The following ADGRL3 variants were observed in gnomAD, a reference collection of about 807,000 sequenced individuals.
The protein encoded by ADGRL3 is calcium-independent alpha-latrotoxin receptor 3.
A neutral mutation model predicts 153.5 loss-of-function variants in ADGRL3; 62 were observed. The ratio of observed to expected loss-of-function variants is 0.40; its 90% CI spans 0.33 to 0.50. The LOEUF is 0.50. Among genes scored for constraint, ADGRL3 ranks in the 20% least tolerant of loss-of-function variants. ADGRL3 has a pLI of 0.47. For missense variants in ADGRL3, 1,641 were observed against 1,859.4 expected (o/e 0.88, Z 2.16); for synonymous variants, 710 against 672.5 (o/e 1.06, Z -0.86).
intron 1 of ADGRL3, among the ~76,000 whole-genome samples, chr4:61,279,796 G>A (rs1372246332): frequency 6.6e-6 from 1 of 152,010 alleles, no homozygotes; most frequent in Non-Finnish European, 1.5e-5. Flanking sequence ...TTGGATTCAG[G>A]AAATTGATAT....
chr4:61,356,697 CAT>C (rs1200765163), intron 1 of ADGRL3, among the ~76,000 whole-genome samples: 1 of 151,880 alleles, frequency 6.6e-6, no homozygotes, highest in Non-Finnish European at 1.5e-5. Flanking sequence ...TAAAAACAAA[CAT>C]AAAAATTTTC....
At chr4:62,007,195 T>G (rs1039764008) in intron 21 of ADGRL3, among the ~76,000 whole-genome samples, 8 of 150,402 alleles carry the variant, frequency 5.3e-5, no homozygotes, top group South Asian at 4.2e-4. Flanking sequence ...ATGTTCAGGA[T>G]GTAAAATATT....
intron 4 of ADGRL3, among the ~76,000 whole-genome samples, chr4:61,575,320 A>AT (rs1305714303): frequency 6.6e-6 from 1 of 152,018 alleles, no homozygotes; most frequent in Non-Finnish European, 1.5e-5. Context: ...GCTTTATGAG[A>AT]TTTTAAATTT....
At chr4:61,854,556 A>G (rs2098242084) in intron 9 of ADGRL3, among the ~76,000 whole-genome samples, 1 of 152,200 alleles carries the variant, frequency 6.6e-6, no homozygotes, top group Admixed American at 6.5e-5. Flanking sequence ...GATAAAAATA[A>G]ATGCATGGGT....
chr4:61,772,375 C>T (rs1421686142), intron 8 of ADGRL3, among the ~76,000 whole-genome samples: 1 of 152,150 alleles, frequency 6.6e-6, no homozygotes, highest in Non-Finnish European at 1.5e-5. Context: ...ATCCTCATCA[C>T]CAGAAACTGC....
intron 19 of ADGRL3, among the ~76,000 whole-genome samples, chr4:61,987,140 TTTTATTTTA>T (rs1553902920): frequency 5.6e-5 from 4 of 71,648 alleles, no homozygotes; most frequent in Admixed American, 1.6e-4. Flanking sequence ...TTTTATTTTA[TTTTATTTTA>T]TTTATTTTAT....
intron 1 of ADGRL3, among the ~76,000 whole-genome samples, chr4:61,370,739 A>G (rs1044320485): frequency 4.6e-5 from 7 of 151,944 alleles, no homozygotes; most frequent in South Asian, 2.1e-4. Context: ...GTAGATGTCT[A>G]TTAGGTCCGC....
intron 4 of ADGRL3, among the ~76,000 whole-genome samples, chr4:61,558,089 A>G (rs762006952): frequency 5.4e-5 from 8 of 148,124 alleles, no homozygotes; most frequent in Non-Finnish European, 8.9e-5. Context: ...AAAATTTGAG[A>G]TACTTCTCTG....
chr4:61,830,102 C>T (rs907095895), intron 9 of ADGRL3, among the ~76,000 whole-genome samples: 3 of 151,966 alleles, frequency 2.0e-5, no homozygotes, highest in Non-Finnish European at 4.4e-5. Flanking sequence ...CTTGACCTTC[C>T]AGGTTCAAGC....
intron 6 of ADGRL3, among the ~76,000 whole-genome samples, chr4:61,726,340 A>G (rs943674401): frequency 4.0e-5 from 6 of 151,624 alleles, no homozygotes; most frequent in Admixed American, 2.6e-4. Context: ...CTGGGATTAC[A>G]GTCATGCATC....
chr4:62,043,061 T>A (rs536166581), intron 24 of ADGRL3, among the ~76,000 whole-genome samples: 1 of 152,226 alleles, frequency 6.6e-6, no homozygotes, highest in South Asian at 2.1e-4. Flanking sequence ...TTTAATTTTC[T>A]TTGTTTTATA....
intron 3 of ADGRL3, among the ~76,000 whole-genome samples, chr4:61,508,596 A>G (rs930485163): frequency 6.6e-6 from 1 of 152,114 alleles, no homozygotes; most frequent in Non-Finnish European, 1.5e-5. Context: ...TATAATTTCA[A>G]CAGTTATATT....
intron 22 of ADGRL3, 101 bp from the exon 23 acceptor site, chr4:62,031,341 G>C: frequency 1.0e-6 from 1 of 965,258 alleles, no homozygotes; most frequent in Non-Finnish European, 1.5e-6. Context: ...GTCAATAAAA[G>C]TTACTGTAAC....
intron 9 of ADGRL3, among the ~76,000 whole-genome samples, chr4:61,869,522 C>T (rs945207925): frequency 2.6e-5 from 4 of 151,776 alleles, no homozygotes; most frequent in African/African-American, 4.8e-5. Context: ...GGCGTGAACC[C>T]GGGAAGCGGA....
intron 13 of ADGRL3, among the ~76,000 whole-genome samples, chr4:61,914,110 G>A (rs2098734426): frequency 6.6e-6 from 1 of 152,118 alleles, no homozygotes; most frequent in Non-Finnish European, 1.5e-5. Context: ...ATGCAGTTGA[G>A]TAGATTCAGC....
intron 9 of ADGRL3, among the ~76,000 whole-genome samples, chr4:61,858,375 CA>C (rs1233112035): frequency 6.6e-6 from 1 of 152,144 alleles, no homozygotes; most frequent in African/African-American, 2.4e-5. Context: ...GTAATCCCAG[CA>C]CTTTGGGAGG....
intron 2 of ADGRL3, among the ~76,000 whole-genome samples, chr4:61,463,129 G>C (rs2097843614): frequency 6.6e-6 from 1 of 152,166 alleles, no homozygotes; most frequent in Non-Finnish European, 1.5e-5. Context: ...AGCAAGGGGT[G>C]TGTGTAATGA....
chr4:61,670,678 A>G (rs951434201), intron 5 of ADGRL3, among the ~76,000 whole-genome samples: 2 of 152,140 alleles, frequency 1.3e-5, no homozygotes, highest in Non-Finnish European at 2.9e-5. Flanking sequence ...GATGGTTGCA[A>G]AAAATGATGC....
At chr4:61,335,181 A>G (rs185104090) in intron 1 of ADGRL3, among the ~76,000 whole-genome samples, 155 of 152,288 alleles carry the variant, frequency 1.0e-3, no homozygotes, top group African/African-American at 3.5e-3. Context: ...AAGAAAAGGC[A>G]TTTAAACAAG....
Sources: gnomAD v4.1 joint callset for allele counts (sites outside exome capture counted in the v4.1 genomes callset) on GRCh38, gnomAD v4.1.1 for gene constraint, MANE v1.5 for transcripts, NCBI Gene and HGNC (gene_info 2026-07-23, HGNC 2026-07-21) for gene names.